STXBP3: variants seen among roughly 807,000 people sequenced by gnomAD.
STXBP3 encodes syntaxin binding protein 3.
In STXBP3, 41 loss-of-function variants were observed where a neutral mutation model predicts 85.7. The observed-to-expected ratio is 0.48, with a 90% CI of 0.37 to 0.62. STXBP3 has a LOEUF of 0.62. Ranked by LOEUF, STXBP3 falls within the 20% of genes least tolerant of loss-of-function variation. The probability of loss-of-function intolerance (pLI) is 0.00; values close to 1 mark genes in which losing one functional copy is unlikely to be tolerated. For missense variants in STXBP3, 563 were observed against 703.1 expected, an observed-to-expected ratio of 0.80 and a Z score of 2.25; for synonymous variants, 229 against 231.7, an observed-to-expected ratio of 0.99 and a Z score of 0.10.
rs571465729 is a variant in STXBP3 at position 108,752,520 on chromosome 1, C to A, written c.99+214C>A. On this transcript the variant is annotated intron_variant, in intron 2 of 18. Transcript: ENST00000370008. ...AGCATCCATGGATTTTTGGTATACA[C>A]AGGGGTCCTCGAACCCCCATGGATA... is the stretch of plus-strand genomic sequence containing the variant. Among the ~76,000 whole-genome samples the A allele has an allele frequency of 1.1e-4, 16 of 152,250 alleles. No individual in the cohort carries two copies. The South Asian group carries it at 3.3e-3, about 32-fold the overall frequency.
Position 108,752,290 on chromosome 1 carries a change from A to G in STXBP3, c.83A>G (p.Lys28Arg), listed in dbSNP as rs759442147. Reference protein sequence around the residue: ...IKATVFDDCKKEGEWKIMLLD... With the variant: ...IKATVFDDCKREGEWKIMLLD... ...GCAACAGTGTTTGATGACTGCAAGA[A>G]AGAAGGCGAATGGAAGGTAGAGTTT... The change falls in exon 2 of 19, where the codon AAA becomes AGA. Residue 28 changes from lysine (K) to arginine (R), a missense_variant. Physicochemically the swap from Lys to Arg is conservative, Grantham distance 26. Around this residue, in one of 3 missense-constraint regions of STXBP3, gnomAD observed 37 missense variants for 39.7 expected, o/e 0.93. Transcript: ENST00000370008. 1 of 1,611,878 alleles carries G rather than the reference A, an allele frequency of 6.2e-7. No individual in the cohort carries two copies. Among genetic ancestry groups the G allele is most frequent in the Admixed American group, 1.7e-5 (1 of 59,824 alleles).
chr1:108,776,526 C>T, intron 8 of STXBP3, 103 bp downstream of exon 8: 4 of 761,268 alleles, frequency 5.3e-6, no homozygotes, highest in South Asian at 3.9e-5. Context: ...ATTTGGGAGT[C>T]ATTAACATAG....
chr1:108,786,108 A>G (rs1662819248), intron 11 of STXBP3, among the ~76,000 whole-genome samples: 1 of 152,074 alleles, frequency 6.6e-6, no homozygotes, highest in Admixed American at 6.6e-5. Context: ...GTCCATTCTC[A>G]CGCTTTTATG....
chr1:108,776,434 C>T lies in STXBP3; in HGVS notation c.684+11C>T. 6.3e-7 allele frequency: 1 copy of T among 1,577,710 alleles called. No homozygotes were observed. Among genetic ancestry groups the T allele is most frequent in the Non-Finnish European group, 8.6e-7 (1 of 1,157,180 alleles). On this transcript the variant is annotated intron_variant, in intron 8 of 18. Transcript: ENST00000370008. ...AAGAGCCTAATAAAGGTAATGTATG[C>T]AAGGCAAGTAATGACTATGCATAAA...
intron 6 of STXBP3, among the ~76,000 whole-genome samples, chr1:108,763,700 C>T (rs201712227): frequency 6.6e-6 from 1 of 152,034 alleles, no homozygotes; most frequent in African/African-American, 2.4e-5. Context: ...CTCAGCCTCC[C>T]GAGTAGCTGG....
At chr1:108,781,285 A>G (rs544110098) in intron 9 of STXBP3, 1 of 152,326 alleles carries the variant, frequency 6.6e-6, no homozygotes, top group African/African-American at 2.4e-5. Context: ...TATAGAAACG[A>G]TTATATTCAT....
Position 108,809,400 on chromosome 1 carries a change from G to A in STXBP3, c.*523G>A, listed in dbSNP as rs1229545375. 1 of 152,588 alleles carries A rather than the reference G, an allele frequency of 6.6e-6. No homozygotes were observed. Among genetic ancestry groups the A allele is most frequent in the Non-Finnish European group, 1.5e-5 (1 of 68,084 alleles). 9.5% of individuals were successfully genotyped at this position (152,588 alleles called of 1,614,324 possible). ...TAGAAATGGAGTGATTTCACAGTGT[G>A]TACTGTTTTGCCACATACTTCTAAA... is the stretch of plus-strand genomic sequence containing the variant. On this transcript the variant is annotated 3_prime_UTR_variant, in exon 19 of 19. Coordinates refer to ENST00000370008, the MANE Select transcript of STXBP3 (RefSeq NM_007269.4).
At chr1:108,775,448 A>G (rs1570760296) in intron 7 of STXBP3, among the ~76,000 whole-genome samples, 1 of 152,052 alleles carries the variant, frequency 6.6e-6, no homozygotes, top group East Asian at 1.9e-4. Flanking sequence ...TTATACTCTT[A>G]GTTATTTTTA....
At chr1:108,789,561 T>A (rs540994555) in intron 11 of STXBP3, among the ~76,000 whole-genome samples, 9 of 152,340 alleles carry the variant, frequency 5.9e-5, no homozygotes, top group African/African-American at 1.7e-4. Flanking sequence ...CCAGGAGTTT[T>A]GGAATAACTT....
intron 8 of STXBP3, among the ~76,000 whole-genome samples, chr1:108,778,716 A>G (rs1322409034): frequency 6.6e-6 from 1 of 152,206 alleles, no homozygotes; most frequent in Non-Finnish European, 1.5e-5. Flanking sequence ...TTGGAACTCA[A>G]TTCATAAGAA....
At chr1:108,771,797 T>C (rs1246382484) in intron 6 of STXBP3, among the ~76,000 whole-genome samples, 1 of 30,304 alleles carries the variant, frequency 3.3e-5, no homozygotes, top group East Asian at 3.1e-4. Flanking sequence ...TATCTATCTA[T>C]ATATATCATA....
Position 108,796,629 on chromosome 1 carries a change from A to G in STXBP3, c.1259A>G (p.Glu420Gly), listed in dbSNP as rs377549535. 1 of 1,612,328 alleles carries G rather than the reference A, an allele frequency of 6.2e-7. No individual in the cohort carries two copies. The highest frequency in any genetic ancestry group is 8.5e-7 in the Non-Finnish European group (1 of 1,179,390). ...LYIFSINGTT[E>G]ENLDRLIQNV... ...TTTTTACCTATTTAAGGAACTACGG[A>G]AGAAAATTTGGACAGGTTGATCCAG... Residue 420 changes from glutamate (E) to glycine (G), a missense_variant, in exon 15 of 19, where the codon GAA (glutamate) becomes GGA (glycine). Physicochemically the swap from Glu to Gly is moderately conservative, Grantham distance 98. Coordinates refer to ENST00000370008, the MANE Select transcript of STXBP3 (RefSeq NM_007269.4).
At chr1:108,779,233 G>A in intron 8 of STXBP3, 53 bp from the exon 9 acceptor site, 2 of 1,566,074 alleles carry the variant, frequency 1.3e-6, no homozygotes, top group South Asian at 2.4e-5. Flanking sequence ...TTAAAACTAT[G>A]TTCACACTAA....
chr1:108,751,622 A>C (rs976941045), intron 1 of STXBP3, among the ~76,000 whole-genome samples: 1 of 152,218 alleles, frequency 6.6e-6, no homozygotes, highest in East Asian at 1.9e-4. Context: ...AGTGTGGGAA[A>C]TTGTTTTATT....
chr1:108,784,095 TC>T, intron 11 of STXBP3, among the ~76,000 whole-genome samples: 1 of 152,372 alleles, frequency 6.6e-6, no homozygotes, highest in South Asian at 2.1e-4. Flanking sequence ...TTTAATGAAA[TC>T]TAATTTATCA....
At chr1:108,792,792 C>T (rs1265251524) in intron 11 of STXBP3, among the ~76,000 whole-genome samples, 2 of 152,138 alleles carry the variant, frequency 1.3e-5, no homozygotes, top group African/African-American at 2.4e-5. Context: ...GAGGAATAAT[C>T]GTGATTCTGT....
chr1:108,749,128 G>A (rs1382459995), intron 1 of STXBP3, among the ~76,000 whole-genome samples: 1 of 152,146 alleles, frequency 6.6e-6, no homozygotes, highest in African/African-American at 2.4e-5. Context: ...TGAGAGAGAA[G>A]AATCAAGTCG....
intron 6 of STXBP3, among the ~76,000 whole-genome samples, chr1:108,760,408 ACCTTTT>A (rs1184717155): frequency 3.3e-5 from 5 of 152,076 alleles, no homozygotes; most frequent in Non-Finnish European, 7.4e-5. Flanking sequence ...AGCTTGTGTA[ACCTTTT>A]GTGATATTAA....
Position 108,808,930 on chromosome 1 carries a change from G to A in STXBP3, c.*53G>A. On this transcript the variant is annotated 3_prime_UTR_variant, in exon 19 of 19. Transcript: ENST00000370008. ...CTTACTAATATGTTGAACTAAAATAGAAAGAAAATGTTGCTGTCATGTAAT... is the reference window on the plus strand; with the variant it reads ...CTTACTAATATGTTGAACTAAAATAAAAAGAAAATGTTGCTGTCATGTAAT... 8.2e-7 allele frequency: 1 copy of A among 1,214,496 alleles called. No individual in the cohort carries two copies. Among genetic ancestry groups the A allele is most frequent in the South Asian group, 1.4e-5 (1 of 73,280 alleles). The allele number at this position is 1,214,496 out of a possible 1,614,324, so 75.2% of individuals were successfully genotyped here.
Sources: allele counts gnomAD v4.1 joint callset (sites outside exome capture counted in the v4.1 genomes callset), GRCh38; gene constraint gnomAD v4.1.1; regional missense constraint gnomAD v4.1.1; transcripts MANE v1.5; gene names NCBI Gene and HGNC (gene_info 2026-07-23, HGNC 2026-07-21).